The following CADM2 variants were observed in gnomAD, a reference collection of about 807,000 sequenced individuals.
CADM2 encodes the protein immunoglobulin superfamily member 4D.
Under a neutral mutation model 49.8 loss-of-function variants are expected in CADM2, and 12 were observed. The observed-to-expected ratio is 0.24, with a 90% CI of 0.15 to 0.39. CADM2 has a LOEUF of 0.39. Ranked by LOEUF, CADM2 falls within the 10% of genes least tolerant of loss-of-function variation. The pLI is 1.00. For synonymous variants in CADM2, 214 were observed against 175.4 expected (o/e 1.22, Z -1.74); for missense variants, 378 against 492.3 (o/e 0.77, Z 2.20).
chr3:85,947,232 A>G (rs1040265351), intron 7 of CADM2, among the ~76,000 whole-genome samples: 1 of 151,934 alleles, frequency 6.6e-6, no homozygotes, highest in Non-Finnish European at 1.5e-5. Context: ...AATGCAAATC[A>G]AGAGTATGTC....
chr3:85,768,470 T>TAAATA (rs11456585), intron 2 of CADM2, among the ~76,000 whole-genome samples: 215 of 143,798 alleles, frequency 1.5e-3, no homozygotes, highest in African/African-American at 5.1e-3. Context: ...AATAAATAAA[T>TAAATA]AATAAATAAA....
chr3:85,630,951 T>C (rs1005087531), intron 1 of CADM2, among the ~76,000 whole-genome samples: 1 of 152,094 alleles, frequency 6.6e-6, no homozygotes, highest in Admixed American at 6.6e-5. Flanking sequence ...TTCCTACGGC[T>C]ATAAGACATA....
chr3:85,008,458 TAAACC>T lies in CADM2; in HGVS notation c.61+48792_61+48796del, dbSNP rs1290478352. 2.0e-5 allele frequency among the ~76,000 whole-genome samples: 3 copies of T among 152,186 alleles called. No homozygotes were observed. The East Asian group carries it at 5.8e-4, about 29-fold the overall frequency. On this transcript the variant is annotated intron_variant, in intron 1 of 9. Transcript: ENST00000383699. ...GTGCAAATTGTGAGGGCGCTTTAGT[TAAACC>T]ATAAACCATGGCTACTTACTCATGG...
At chr3:85,336,197 C>T (rs2045074374) in intron 1 of CADM2, among the ~76,000 whole-genome samples, 1 of 151,494 alleles carries the variant, frequency 6.6e-6, no homozygotes, top group Admixed American at 6.6e-5. Context: ...AGAATCTCCT[C>T]ATTGCCAAGT....
At chr3:85,440,045 C>T (rs141940855) in intron 1 of CADM2, among the ~76,000 whole-genome samples, 6 of 152,068 alleles carry the variant, frequency 3.9e-5, no homozygotes, top group African/African-American at 1.2e-4. Flanking sequence ...TTAAAGGGCA[C>T]GATTAGTATG....
At chr3:85,970,919 T>G (rs914391723) in intron 8 of CADM2, among the ~76,000 whole-genome samples, 1 of 150,460 alleles carries the variant, frequency 6.6e-6, no homozygotes, top group Non-Finnish European at 1.5e-5. Flanking sequence ...TATAACCTAG[T>G]ATGGGTTAAG....
chr3:85,078,759 TG>T (rs745871679), intron 1 of CADM2, among the ~76,000 whole-genome samples: 2 of 151,762 alleles, frequency 1.3e-5, no homozygotes, highest in Non-Finnish European at 3.0e-5. Flanking sequence ...CCATTGAGCA[TG>T]TTCAAGTATA....
intron 1 of CADM2, among the ~76,000 whole-genome samples, chr3:85,306,618 G>T (rs2044218199): frequency 6.6e-6 from 1 of 151,658 alleles, no homozygotes; most frequent in Non-Finnish European, 1.5e-5. Flanking sequence ...TTATTTGTAT[G>T]CAGCACTGTG....
chr3:85,333,173 A>C (rs1042124872), intron 1 of CADM2, among the ~76,000 whole-genome samples: 2 of 151,812 alleles, frequency 1.3e-5, no homozygotes, highest in Non-Finnish European at 3.0e-5. Flanking sequence ...CAGTGTTTAA[A>C]GTGTTAATTA....
chr3:85,395,062 A>G (rs2034703025), intron 1 of CADM2, among the ~76,000 whole-genome samples: 1 of 152,030 alleles, frequency 6.6e-6, no homozygotes, highest in East Asian at 1.9e-4. Context: ...ATTGCTGGGA[A>G]ACACAACAAC....
chr3:85,085,980 A>G (rs1021218053), intron 1 of CADM2, among the ~76,000 whole-genome samples: 1 of 152,158 alleles, frequency 6.6e-6, no homozygotes, highest in Non-Finnish European at 1.5e-5. Flanking sequence ...CATAATGGGA[A>G]GAGTCTAGAC....
At chr3:85,350,359 T>C (rs1042730051) in intron 1 of CADM2, among the ~76,000 whole-genome samples, 1 of 152,192 alleles carries the variant, frequency 6.6e-6, no homozygotes, top group Non-Finnish European at 1.5e-5. Flanking sequence ...TTTTCTAAAA[T>C]TAAATATTTG....
intron 8 of CADM2, chr3:85,992,052 G>T (rs958481034): frequency 6.6e-6 from 1 of 151,618 alleles, no homozygotes. Flanking sequence ...AAAAGTTTTC[G>T]CTTCTTACTT....
rs145068544 is a variant in CADM2 at position 85,356,955 on chromosome 3, G to A, written c.62-369567G>A. Among the ~76,000 whole-genome samples, 704 of 152,216 alleles carry A rather than the reference G, an allele frequency of 4.6e-3. 8 individuals are homozygous for A. Among genetic ancestry groups the A allele is most frequent in the African/African-American group, 0.016 (669 of 41,566 alleles). On this transcript the variant is annotated intron_variant, in intron 1 of 9. Coordinates refer to ENST00000383699, the MANE Select transcript of CADM2 (RefSeq NM_001167675.2). ...TGATATCACTGACCTTCCACTCACT[G>A]CTGGGATATAGAAGTATGAAGATTA...
At chr3:85,047,890 C>A (rs1454469982) in intron 1 of CADM2, among the ~76,000 whole-genome samples, 2 of 152,110 alleles carry the variant, frequency 1.3e-5, no homozygotes, top group Non-Finnish European at 2.9e-5. Flanking sequence ...TCTGCCTTTG[C>A]TGCTAATATA....
intron 1 of CADM2, among the ~76,000 whole-genome samples, chr3:85,413,141 A>AT (rs1219560661): frequency 7.4e-5 from 10 of 135,800 alleles, no homozygotes; most frequent in South Asian, 7.0e-4. Flanking sequence ...TCCGTCTCAA[A>AT]AAAAAAAAAA....
Position 85,368,323 on chromosome 3 carries a change from T to C in CADM2, c.62-358199T>C, listed in dbSNP as rs146266435. ...CAAGAAAAAGCAAAAAATGACAGTG[T>C]TGAAAGTGGTGTTTTAGCCATTATA... On this transcript the variant is annotated intron_variant, in intron 1 of 9. Transcript: ENST00000383699. Among the ~76,000 whole-genome samples the C allele has an allele frequency of 3.4e-3, 522 of 152,182 alleles. 6 individuals carry two copies. Among genetic ancestry groups the C allele is most frequent in the African/African-American group, 0.011 (438 of 41,534 alleles).
chr3:85,122,080 T>C (rs1162426923), intron 1 of CADM2, among the ~76,000 whole-genome samples: 2 of 152,070 alleles, frequency 1.3e-5, no homozygotes, highest in African/African-American at 2.4e-5. Flanking sequence ...ATTCCATTTA[T>C]ATTTGACCTC....
intron 1 of CADM2, among the ~76,000 whole-genome samples, chr3:85,332,320 G>A (rs181022635): frequency 8.5e-5 from 13 of 152,114 alleles, no homozygotes; most frequent in Middle Eastern, 3.4e-3. Flanking sequence ...ATGAGCTTAA[G>A]TCTTTAATGT....
Sources: gnomAD v4.1 joint callset for allele counts (sites outside exome capture counted in the v4.1 genomes callset) on GRCh38, gnomAD v4.1.1 for gene constraint, MANE v1.5 for transcripts, NCBI Gene and HGNC (gene_info 2026-07-23, HGNC 2026-07-21) for gene names.